The following SYT16 variants were observed in gnomAD, a reference collection of about 807,000 sequenced individuals.
The protein encoded by SYT16 is synaptotagmin-16.
SYT16 carries 42 observed loss-of-function variants against 61.4 expected under a neutral mutation model. That is an observed-to-expected ratio of 0.68 (90% CI 0.53 to 0.89). SYT16 has a LOEUF of 0.89. Ranked by LOEUF, SYT16 falls within the 40% of genes least tolerant of loss-of-function variation. The probability of loss-of-function intolerance (pLI) is 0.00; values close to 1 mark genes in which losing one functional copy is unlikely to be tolerated. For missense variants in SYT16, 804 were observed against 807.3 expected (o/e 1.00, Z 0.05); for synonymous variants, 314 against 302.3 (o/e 1.04, Z -0.40).
chr14:61,908,501 C>G (rs1002802875), intron 1 of SYT16, among the ~76,000 whole-genome samples: 3 of 152,064 alleles, frequency 2.0e-5, no homozygotes, highest in African/African-American at 7.2e-5. Context: ...ATTAGATGAA[C>G]ATCTAACTTA....
chr14:61,986,386 T>A (rs2052312826), intron 2 of SYT16, among the ~76,000 whole-genome samples: 1 of 151,222 alleles, frequency 6.6e-6, no homozygotes, highest in Non-Finnish European at 1.5e-5. Flanking sequence ...TGTCTTGAAA[T>A]GTAAAGGATT....
intron 3 of SYT16, among the ~76,000 whole-genome samples, chr14:62,011,992 C>T (rs2053486675): frequency 8.4e-6 from 1 of 118,814 alleles, no homozygotes; most frequent in African/African-American, 3.3e-5. Context: ...TGGCTTTTCT[C>T]CTGCATGTTA....
rs532274603 is a variant in SYT16, at chr14:61,988,311, C to T, written c.-144-7565C>T. ...GTGTATCTGAAAATGGATTTCTGTGCGAGAGCAGTGATAGTCTCTTTAAAA... is the reference window on the plus strand; with the variant it reads ...GTGTATCTGAAAATGGATTTCTGTGTGAGAGCAGTGATAGTCTCTTTAAAA... On this transcript the variant is annotated intron_variant, in intron 2 of 7. Transcript: ENST00000683842. Among the ~76,000 whole-genome samples, 14 of 152,164 alleles carry T rather than the reference C, an allele frequency of 9.2e-5. No homozygotes were observed. The South Asian group carries it at 1.2e-3, about 14-fold the overall frequency.
chr14:61,945,554 C>A (rs1416937250), intron 1 of SYT16, among the ~76,000 whole-genome samples: 13 of 152,108 alleles, frequency 8.5e-5, no homozygotes, highest in Admixed American at 3.3e-4. Context: ...ACTATGCAGT[C>A]ATAAAAAAGG....
chr14:62,092,888 A>G (rs1566842608), intron 7 of SYT16, among the ~76,000 whole-genome samples: 7 of 152,116 alleles, frequency 4.6e-5, no homozygotes, highest in Admixed American at 3.3e-4. Context: ...TTTGTTGTGT[A>G]TATTTTAACA....
chr14:61,820,706 T>G (rs996788758), intron 1 of SYT16, among the ~76,000 whole-genome samples: 8 of 152,142 alleles, frequency 5.3e-5, no homozygotes, highest in African/African-American at 1.9e-4. Context: ...GGTCATGAAC[T>G]CCTGACCCCA....
chr14:61,830,030 T>TA (rs111928187), intron 1 of SYT16, among the ~76,000 whole-genome samples: 13 of 150,728 alleles, frequency 8.6e-5, no homozygotes, highest in Admixed American at 2.6e-4. Flanking sequence ...GCTAGTGAGT[T>TA]AAAAAAAAAA....
chr14:61,992,494 C>T (rs1167438867), intron 2 of SYT16, among the ~76,000 whole-genome samples: 1 of 152,102 alleles, frequency 6.6e-6, no homozygotes, highest in East Asian at 1.9e-4. Flanking sequence ...TAAATAGCCA[C>T]CGATCTGAAG....
chr14:61,933,378 G>A (rs2049853005), intron 1 of SYT16, among the ~76,000 whole-genome samples: 1 of 152,132 alleles, frequency 6.6e-6, no homozygotes, highest in African/African-American at 2.4e-5. Context: ...GTGAAAGTTG[G>A]AATAATCAAA....
rs748847458 is a variant in SYT16 at position 61,996,538 on chromosome 14, G to A, written c.519G>A (p.Lys173=). 1 of 1,591,576 alleles carries A rather than the reference G, an allele frequency of 6.3e-7. No homozygotes were observed. Among genetic ancestry groups the A allele is most frequent in the South Asian group, 1.1e-5 (1 of 87,590 alleles). ...CTTTAGAAACTGTTAATGGAAAAAA[G>A]CAAGGTAAGCTAGCCAGTCATCATT... The part of the protein sequence containing the change: ...PGTLETVNGK[K]QVNSFGDDEE... Residue 173 remains lysine (K), a synonymous_variant, in exon 3 of 8, where the codon AAG becomes AAA. Transcript: ENST00000683842.
chr14:62,054,192 T>C (rs545700356), intron 3 of SYT16, among the ~76,000 whole-genome samples: 2 of 152,324 alleles, frequency 1.3e-5, no homozygotes, highest in Non-Finnish European at 2.9e-5. Flanking sequence ...TTTCCATTTT[T>C]CTTTTTGCAA....
chr14:62,096,947 G>A (rs1406079334), intron 7 of SYT16, among the ~76,000 whole-genome samples: 1 of 152,092 alleles, frequency 6.6e-6, no homozygotes, highest in Non-Finnish European at 1.5e-5. Context: ...AAAAGGGAAA[G>A]TTAAATGGCC....
chr14:61,947,835 G>C (rs193111833), intron 1 of SYT16, among the ~76,000 whole-genome samples: 7 of 152,320 alleles, frequency 4.6e-5, no homozygotes, highest in Non-Finnish European at 8.8e-5. Context: ...CTTCTGCCAG[G>C]TGGGACTTGG....
intron 2 of SYT16, among the ~76,000 whole-genome samples, chr14:61,988,126 C>T (rs754452818): frequency 1.4e-4 from 21 of 152,188 alleles, no homozygotes; most frequent in South Asian, 4.2e-4. Flanking sequence ...AGTAGATGTG[C>T]GCCCATGGCC....
At chr14:61,873,311 A>G (rs1046266195) in intron 1 of SYT16, among the ~76,000 whole-genome samples, 3 of 152,186 alleles carry the variant, frequency 2.0e-5, no homozygotes, top group Admixed American at 6.5e-5. Context: ...GTCACAGCCA[A>G]TCAGGAATGA....
chr14:61,863,426 T>C (rs2047027645), intron 1 of SYT16, among the ~76,000 whole-genome samples: 1 of 152,260 alleles, frequency 6.6e-6, no homozygotes, highest in African/African-American at 2.4e-5. Context: ...GTGAGGTGTT[T>C]GTAAAGCTCT....
intron 1 of SYT16, among the ~76,000 whole-genome samples, chr14:61,960,031 C>T (rs1027500404): frequency 2.0e-5 from 3 of 152,080 alleles, no homozygotes; most frequent in Non-Finnish European, 4.4e-5. Flanking sequence ...GGGGTCTCTC[C>T]ATGTTGCTCA....
intron 3 of SYT16, among the ~76,000 whole-genome samples, chr14:62,055,370 T>TG (rs1256410599): frequency 6.6e-6 from 1 of 152,210 alleles, no homozygotes; most frequent in Non-Finnish European, 1.5e-5. Flanking sequence ...TTTGCAGTGA[T>TG]GAAACAGCTT....
intron 3 of SYT16, among the ~76,000 whole-genome samples, chr14:62,040,055 CTTCT>C (rs1008278175): frequency 6.6e-6 from 1 of 151,628 alleles, no homozygotes; most frequent in East Asian, 1.9e-4. Context: ...ACTGTGTTGG[CTTCT>C]TTCTTAGGCA....
Sources: gnomAD v4.1 joint callset for allele counts (sites outside exome capture counted in the v4.1 genomes callset) on GRCh38, gnomAD v4.1.1 for gene constraint, MANE v1.5 for transcripts, NCBI Gene and HGNC (gene_info 2026-07-23, HGNC 2026-07-21) for gene names.